The following LPCAT2 variants were observed in gnomAD, a reference collection of about 807,000 sequenced individuals.
LPCAT2 encodes the protein lysophosphatidylcholine acyltransferase 2, also known as 1-AGP acyltransferase 11.
LPCAT2 carries 58 observed loss-of-function variants against 64.7 expected under a neutral mutation model. That is an observed-to-expected ratio of 0.90 (90% CI 0.73 to 1.12). The LOEUF is 1.12. Among genes scored for constraint, LPCAT2 ranks in the 50% most tolerant of loss-of-function variants. The probability of loss-of-function intolerance (pLI) is 0.00; values close to 1 mark genes in which losing one functional copy is unlikely to be tolerated. For missense variants in LPCAT2, 579 were observed against 669.8 expected, an observed-to-expected ratio of 0.86 and a Z score of 1.50; for synonymous variants, 252 against 245.3, an observed-to-expected ratio of 1.03 and a Z score of -0.26.
intron 12 of LPCAT2, among the ~76,000 whole-genome samples, chr16:55,578,472 AT>A (rs1375839151): frequency 2.0e-5 from 3 of 152,074 alleles, no homozygotes; most frequent in Non-Finnish European, 1.5e-5. Context: ...CAGACCCCTT[AT>A]TGATATGCAA....
intron 2 of LPCAT2, 114 bp downstream of exon 2, chr16:55,525,761 A>G (rs546944535): frequency 1.6e-6 from 1 of 634,660 alleles, no homozygotes; most frequent in East Asian, 3.4e-5. Context: ...CTGTTAGATA[A>G]AACTATTTTA....
At chr16:55,516,098 C>T (rs1386746213) in intron 1 of LPCAT2, among the ~76,000 whole-genome samples, 1 of 152,082 alleles carries the variant, frequency 6.6e-6, no homozygotes, top group Non-Finnish European at 1.5e-5. Flanking sequence ...GAGAGACACA[C>T]TTTATTTATT....
intron 6 of LPCAT2, among the ~76,000 whole-genome samples, chr16:55,533,467 A>T (rs922923355): frequency 7.3e-6 from 1 of 136,114 alleles, no homozygotes; most frequent in Non-Finnish European, 1.5e-5. Flanking sequence ...CTGGAGTACA[A>T]TGGCGTGATC....
At chr16:55,571,883 T>G (rs1464888701) in intron 11 of LPCAT2, among the ~76,000 whole-genome samples, 2 of 152,172 alleles carry the variant, frequency 1.3e-5, no homozygotes, top group Non-Finnish European at 2.9e-5. Context: ...AAGAGAAACT[T>G]TTGTCTCATT....
chr16:55,550,262 A>T (rs943024302), intron 10 of LPCAT2, among the ~76,000 whole-genome samples: 1 of 152,356 alleles, frequency 6.6e-6, no homozygotes, highest in Middle Eastern at 3.4e-3. Flanking sequence ...AATTCAACAA[A>T]GCAAAGATAG....
chr16:55,519,734 A>G (rs1963068106), intron 1 of LPCAT2, among the ~76,000 whole-genome samples: 1 of 152,190 alleles, frequency 6.6e-6, no homozygotes, highest in Non-Finnish European at 1.5e-5. Context: ...GTTTACATAT[A>G]TGTAGGGGTA....
chr16:55,527,250 G>A (rs1307035226), intron 2 of LPCAT2, among the ~76,000 whole-genome samples: 3 of 151,976 alleles, frequency 2.0e-5, no homozygotes, highest in Non-Finnish European at 4.4e-5. Context: ...TTTAAAAGCT[G>A]AGGCAGGCGG....
chr16:55,513,169 C>T (rs1185863923), intron 1 of LPCAT2, among the ~76,000 whole-genome samples: 1 of 151,964 alleles, frequency 6.6e-6, no homozygotes, highest in Non-Finnish European at 1.5e-5. Flanking sequence ...TAGGACTTCG[C>T]AGAAAAATAC....
At chr16:55,526,735 A>G (rs1195606901) in intron 2 of LPCAT2, among the ~76,000 whole-genome samples, 1 of 152,180 alleles carries the variant, frequency 6.6e-6, no homozygotes, top group Non-Finnish European at 1.5e-5. Context: ...TTTGATTTTT[A>G]TTGTCGGTGG....
At chr16:55,557,768 C>A (rs1317434219) in intron 11 of LPCAT2, among the ~76,000 whole-genome samples, 5 of 152,118 alleles carry the variant, frequency 3.3e-5, no homozygotes, top group African/African-American at 7.2e-5. Context: ...ATCTCTCCAC[C>A]ATTCTTTTAC....
At chr16:55,551,700 T>C (rs1488913986) in intron 11 of LPCAT2, among the ~76,000 whole-genome samples, 1 of 152,202 alleles carries the variant, frequency 6.6e-6, no homozygotes, top group Non-Finnish European at 1.5e-5. Context: ...AATTAGATAA[T>C]TGAACTGTCA....
rs1963944137 is a variant in LPCAT2 at position 55,586,212 on chromosome 16, C to A, written c.*3114C>A. 6.6e-6 allele frequency: 1 copy of A among 152,082 alleles called. No homozygotes were observed. The highest frequency in any genetic ancestry group is 2.4e-5 in the African/African-American group (1 of 41,414). 9.4% of individuals were successfully genotyped at this position (152,082 alleles called of 1,614,324 possible). ...AAACTTTGGTAAATAGGATAGTAAT[C>A]TGAAGAACTTTTGCCCTTTTTACCC... is the stretch of plus-strand genomic sequence containing the variant. On this transcript the variant is annotated 3_prime_UTR_variant, in exon 14 of 14. Transcript: ENST00000262134.
intron 7 of LPCAT2, among the ~76,000 whole-genome samples, chr16:55,534,884 T>C (rs1423521699): frequency 6.6e-6 from 1 of 152,216 alleles, no homozygotes; most frequent in Non-Finnish European, 1.5e-5. Context: ...TCATATGGCC[T>C]GAAATAGCTA....
intron 11 of LPCAT2, among the ~76,000 whole-genome samples, chr16:55,557,560 G>A (rs1452409850): frequency 6.6e-6 from 1 of 152,186 alleles, no homozygotes; most frequent in Non-Finnish European, 1.5e-5. Context: ...GGAAGGATGG[G>A]AAAGAGAAAA....
chr16:55,510,241 C>T (rs1351427541), intron 1 of LPCAT2, among the ~76,000 whole-genome samples: 1 of 152,054 alleles, frequency 6.6e-6, no homozygotes, highest in African/African-American at 2.4e-5. Flanking sequence ...TAAGTTGAAG[C>T]ATGAGAAGTA....
At chr16:55,520,652 CAG>C (rs1302671228) in intron 1 of LPCAT2, among the ~76,000 whole-genome samples, 2 of 151,854 alleles carry the variant, frequency 1.3e-5, no homozygotes, top group African/African-American at 4.8e-5. Flanking sequence ...TGAAATATTA[CAG>C]AGAATATTCT....
intron 11 of LPCAT2, chr16:55,567,610 A>G (rs1963721131): frequency 7.0e-6 from 8 of 1,141,362 alleles, no homozygotes; most frequent in Non-Finnish European, 8.8e-6. Flanking sequence ...TTTCCTGGCA[A>G]GCTCTTTCAC....
At position 55,517,445 on chromosome 16, in the gene LPCAT2, C is replaced by T. The variant is rs373012351; in HGVS notation, c.172-8063C>T. ...AGAATTAATGCCAATCCTTCACAAG[C>T]TCTTCCAAAAAATAAAAGAAGATGG... is the stretch of plus-strand genomic sequence containing the variant. On this transcript the variant is annotated intron_variant, in intron 1 of 13. Coordinates refer to ENST00000262134, the MANE Select transcript of LPCAT2 (RefSeq NM_017839.5). 2.0e-4 allele frequency among the ~76,000 whole-genome samples: 30 copies of T among 152,186 alleles called. No homozygotes were observed. In the East Asian group the frequency reaches 5.4e-3, roughly 27 times the overall value.
intron 12 of LPCAT2, among the ~76,000 whole-genome samples, chr16:55,576,858 T>TTATG (rs1963833507): frequency 6.6e-6 from 1 of 151,580 alleles, no homozygotes; most frequent in Non-Finnish European, 1.5e-5. Context: ...GAGAGGGGAG[T>TTATG]TATGGCAAAG....
Sources: allele counts gnomAD v4.1 joint callset (sites outside exome capture counted in the v4.1 genomes callset), GRCh38; gene constraint gnomAD v4.1.1; transcripts MANE v1.5; gene names NCBI Gene and HGNC (gene_info 2026-07-23, HGNC 2026-07-21).